PCDH15: variants seen among roughly 807,000 people sequenced by gnomAD.
PCDH15 encodes the protein protocadherin-15.
Under a neutral mutation model 178.5 loss-of-function variants are expected in PCDH15, and 129 were observed. The ratio of observed to expected loss-of-function variants is 0.72; its 90% CI spans 0.63 to 0.84. PCDH15 has a LOEUF of 0.84. PCDH15 is among the 40% of genes least tolerant of loss of function. PCDH15 has a pLI of 0.00. For synonymous variants in PCDH15, 800 were observed against 732.0 expected (o/e 1.09, Z -1.50); for missense variants, 2,230 against 2,099.9 (o/e 1.06, Z -1.21).
At chr10:54,793,355 G>C (rs1351105325) in intron 1 of PCDH15, among the ~76,000 whole-genome samples, 4 of 151,826 alleles carry the variant, frequency 2.6e-5, no homozygotes, top group African/African-American at 9.7e-5. Flanking sequence ...CCCACCCAGA[G>C]GCAATGAGGC....
chr10:55,498,674 A>G (rs1229107046), intron 2 of PCDH15, among the ~76,000 whole-genome samples: 5 of 151,880 alleles, frequency 3.3e-5, no homozygotes, highest in South Asian at 4.1e-4. Context: ...GATGATTGCT[A>G]TCTTCATAAT....
At chr10:55,516,104 C>T (rs1173641817) in intron 2 of PCDH15, among the ~76,000 whole-genome samples, 1 of 151,998 alleles carries the variant, frequency 6.6e-6, no homozygotes, top group East Asian at 1.9e-4. Context: ...TTGGCTGTGT[C>T]CCCACCCAAC....
intron 9 of PCDH15, among the ~76,000 whole-genome samples, chr10:54,222,505 C>T (rs2052954858): frequency 6.6e-6 from 1 of 152,146 alleles, no homozygotes; most frequent in Non-Finnish European, 1.5e-5. Context: ...TGCTGTGTAT[C>T]AATAATATTA....
intron 2 of PCDH15, among the ~76,000 whole-genome samples, chr10:54,992,662 G>A (rs1247291033): frequency 6.6e-6 from 1 of 151,820 alleles, no homozygotes; most frequent in South Asian, 2.1e-4. Context: ...GGCTGAGGCA[G>A]GAGAATGGCA....
chr10:55,129,647 C>T (rs1837992110), intron 2 of PCDH15, among the ~76,000 whole-genome samples: 2 of 152,048 alleles, frequency 1.3e-5, no homozygotes, highest in African/African-American at 4.8e-5. Flanking sequence ...TTAGGATAGT[C>T]TTTCTGTACC....
intron 1 of PCDH15, among the ~76,000 whole-genome samples, chr10:54,748,702 G>C (rs967496208): frequency 1.3e-5 from 2 of 152,154 alleles, no homozygotes; most frequent in African/African-American, 4.8e-5. Flanking sequence ...ACCTGGTAAG[G>C]CCTTAGTTTG....
chr10:53,905,055 A>T (rs749971531), intron 25 of PCDH15: 4 of 420,178 alleles, frequency 9.5e-6, no homozygotes, highest in Non-Finnish European at 1.9e-5. Flanking sequence ...TCCCAACCCT[A>T]ACTTCATATC....
In PCDH15 at chr10:54,156,430, C is replaced by T. The variant is rs117310602; in HGVS notation, c.1591-3137G>A. 5.6e-4 allele frequency among the ~76,000 whole-genome samples: 85 copies of T among 152,164 alleles called. No homozygotes were observed. In the South Asian group the frequency reaches 6.4e-3, roughly 12 times the overall value. On this transcript the variant is annotated intron_variant, in intron 13 of 37. Coordinates refer to ENST00000644397, the MANE Select transcript of PCDH15 (RefSeq NM_001384140.1). ...AAGGTGAAAGGTGCATCTTATGTGG[C>T]GGCAGACAAGAGAAGAGAGCTTGTG...
intron 15 of PCDH15, among the ~76,000 whole-genome samples, chr10:54,106,842 A>G (rs1030037341): frequency 3.9e-5 from 6 of 152,218 alleles, no homozygotes; most frequent in African/African-American, 1.4e-4. Context: ...ACAAAAATAC[A>G]TGTTATATAG....
intron 1 of PCDH15, among the ~76,000 whole-genome samples, chr10:54,781,950 A>C (rs1950401282): frequency 6.6e-6 from 1 of 152,312 alleles, no homozygotes; most frequent in African/African-American, 2.4e-5. Context: ...CAAGTAATTT[A>C]GATTTGTCAC....
intron 3 of PCDH15, among the ~76,000 whole-genome samples, chr10:54,860,861 A>G (rs1170023399): frequency 6.6e-6 from 1 of 152,180 alleles, no homozygotes; most frequent in Non-Finnish European, 1.5e-5. Context: ...TGAAGCTTAG[A>G]GGTAACTGAG....
chr10:54,694,325 C>CA (rs147869530), intron 1 of PCDH15, among the ~76,000 whole-genome samples: 12,205 of 152,050 alleles, frequency 0.08, 549 homozygotes, highest in South Asian at 0.15. Context: ...TGCAATTCAA[C>CA]TAAAATGTCG....
intron 3 of PCDH15, among the ~76,000 whole-genome samples, chr10:54,411,254 G>C (rs1953466074): frequency 6.6e-6 from 1 of 152,074 alleles, no homozygotes; most frequent in South Asian, 2.1e-4. Context: ...TGTTGCACTA[G>C]AGTCTTTATT....
intron 3 of PCDH15, among the ~76,000 whole-genome samples, chr10:54,867,911 A>G (rs1289373033): frequency 1.3e-5 from 2 of 152,184 alleles, no homozygotes; most frequent in African/African-American, 4.8e-5. Context: ...ACTAACTATA[A>G]TTAATAATAA....
chr10:54,046,833 A>T (rs114072520), intron 18 of PCDH15, among the ~76,000 whole-genome samples: 1,580 of 152,128 alleles, frequency 0.01, 29 homozygotes, highest in African/African-American at 0.036. Flanking sequence ...AAAGGACAAG[A>T]GTTGGTCTTA....
At chr10:55,173,898 A>G (rs1284522628) in intron 1 of PCDH15, among the ~76,000 whole-genome samples, 1 of 152,140 alleles carries the variant, frequency 6.6e-6, no homozygotes, top group Non-Finnish European at 1.5e-5. Context: ...TTTAATGTAT[A>G]TGAAATTGAT....
intron 3 of PCDH15, among the ~76,000 whole-genome samples, chr10:54,400,815 T>C (rs1054088899): frequency 1.3e-5 from 2 of 151,488 alleles, no homozygotes; most frequent in Non-Finnish European, 2.9e-5. Context: ...CAATGAAAGA[T>C]AGACGAAAAG....
At chr10:54,358,489 A>G (rs1322877507) in intron 5 of PCDH15, among the ~76,000 whole-genome samples, 2 of 152,142 alleles carry the variant, frequency 1.3e-5, no homozygotes, top group African/African-American at 4.8e-5. Context: ...TTAGAATGGC[A>G]ATCATTAAAA....
intron 2 of PCDH15, among the ~76,000 whole-genome samples, chr10:55,052,586 C>A (rs1299334274): frequency 1.4e-5 from 2 of 142,804 alleles, no homozygotes; most frequent in African/African-American, 5.4e-5. Context: ...GTGGTGTGTG[C>A]CTGTAGTCCC....
Sources: allele counts gnomAD v4.1 joint callset (sites outside exome capture counted in the v4.1 genomes callset), GRCh38; gene constraint gnomAD v4.1.1; transcripts MANE v1.5; gene names NCBI Gene and HGNC (gene_info 2026-07-23, HGNC 2026-07-21).